Variants in AKT3 observed in about 807,000 individuals in gnomAD.
The protein encoded by AKT3 is AKT serine/threonine kinase 3.
In AKT3, 15 loss-of-function variants were observed where a neutral mutation model predicts 65.3. The observed-to-expected ratio is 0.23, with a 90% confidence interval of 0.15 to 0.35. The LOEUF (loss-of-function observed/expected upper bound fraction) is 0.35. Among genes scored for constraint, AKT3 ranks in the 10% least tolerant of loss-of-function variants. The pLI, the probability that AKT3 is intolerant of heterozygous loss-of-function variation, is 1.00. For synonymous variants in AKT3, 206 were observed against 183.8 expected (o/e 1.12, Z -0.98); for missense variants, 243 against 576.5 (o/e 0.42, Z 5.92).
intron 1 of AKT3, 122 bp from the exon 2 acceptor site, chr1:243,843,404 T>C (rs1008355013): frequency 8.7e-7 from 1 of 1,151,844 alleles, no homozygotes; most frequent in African/African-American, 1.6e-5. Context: ...AGTCTGGCTC[T>C]TCAAACTGGG....
intron 2 of AKT3, chr1:243,808,011 C>G (rs1239814479): frequency 6.6e-6 from 1 of 152,174 alleles, no homozygotes; most frequent in Non-Finnish European, 1.5e-5. Context: ...AGAAAGACAT[C>G]CACACCAAAA....
At chr1:243,843,979 C>G (rs181001775) in intron 1 of AKT3, among the ~76,000 whole-genome samples, 2 of 152,186 alleles carry the variant, frequency 1.3e-5, no homozygotes, top group Admixed American at 1.3e-4. Context: ...TAAAATACAA[C>G]GTACCAAGAA....
In AKT3 at chr1:243,620,447, CAA is replaced by C. The variant is rs1175915980; in HGVS notation, c.562-5288_562-5287del. 6.9e-3 allele frequency among the ~76,000 whole-genome samples: 283 copies of C among 41,226 alleles called. 111 individuals carry two copies. The highest frequency in any genetic ancestry group is 0.026 in the Non-Finnish European group (185 of 7,208). 27.0% of individuals were successfully genotyped at this position (41,226 alleles called of 152,430 possible). On this transcript the variant is annotated intron_variant, in intron 6 of 13. Transcript: ENST00000673466. Reference sequence around the variant, plus strand: ...TGAGTAGTGATATGACACACTTTTACAAATTAAACAATGATTACCAGTGATTA... The same window carrying C: ...TGAGTAGTGATATGACACACTTTTACATTAAACAATGATTACCAGTGATTA...
At chr1:243,821,904 C>G (rs1384620137) in intron 2 of AKT3, among the ~76,000 whole-genome samples, 1 of 152,080 alleles carries the variant, frequency 6.6e-6, no homozygotes, top group Non-Finnish European at 1.5e-5. Flanking sequence ...TATTCAGGAC[C>G]TGAACTCAGC....
rs536262290 is a variant in AKT3, at chr1:243,753,151, G to A, written c.47-57435C>T. ...ATTTCACAGGCAACACAAAGAATGC[G>A]AACTGCTTCTAAGGAGTAAGTGAAA... On this transcript the variant is annotated intron_variant, in intron 2 of 13. Coordinates refer to ENST00000673466, the MANE Select transcript of AKT3 (RefSeq NM_005465.7). Among the ~76,000 whole-genome samples the A allele has an allele frequency of 1.2e-4, 18 of 152,260 alleles. No homozygotes were observed. In the South Asian group the frequency reaches 3.5e-3, roughly 30 times the overall value.
At chr1:243,499,133 G>C (rs1668841286), downstream of AKT3, among the ~76,000 whole-genome samples, 1 of 152,214 alleles carries the variant, frequency 6.6e-6, no homozygotes, top group Non-Finnish European at 1.5e-5. Context: ...TTCTGAACTT[G>C]TGATTCTCCC....
Position 243,500,005 on chromosome 1 carries a change from A to G in AKT3, c.*5244T>C. The G allele has an allele frequency of 1.7e-6, 1 of 592,764 alleles. No homozygotes were observed. The highest frequency in any genetic ancestry group is 3.0e-6 in the Non-Finnish European group (1 of 332,058). 36.7% of individuals were successfully genotyped at this position (592,764 alleles called of 1,614,324 possible). On this transcript the variant is annotated 3_prime_UTR_variant, in exon 14 of 14. Transcript: ENST00000673466. Reference sequence around the variant, plus strand: ...AGCAGAGCTCCTGGTGTATGTTTTCAGAAATGGCTTGAAGTTATGTGTTTA... The same window carrying G: ...AGCAGAGCTCCTGGTGTATGTTTTCGGAAATGGCTTGAAGTTATGTGTTTA...
At chr1:243,718,725 G>A (rs1466114248) in intron 2 of AKT3, among the ~76,000 whole-genome samples, 4 of 151,538 alleles carry the variant, frequency 2.6e-5, no homozygotes, top group Non-Finnish European at 4.4e-5. Context: ...TGCCCGCCTC[G>A]GCCTCCCAAA....
At chr1:243,693,117 T>C (rs181501479) in intron 3 of AKT3, among the ~76,000 whole-genome samples, 1 of 150,912 alleles carries the variant, frequency 6.6e-6, no homozygotes, top group Non-Finnish European at 1.5e-5. Context: ...ACTCTGTTCT[T>C]TTCATATAAA....
At chr1:243,847,361 AGTT>A (rs1695563832) in intron 1 of AKT3, among the ~76,000 whole-genome samples, 3 of 152,172 alleles carry the variant, frequency 2.0e-5, no homozygotes, top group Admixed American at 1.3e-4. Context: ...CCAACTAACA[AGTT>A]GTTAACAGTG....
intron 2 of AKT3, among the ~76,000 whole-genome samples, chr1:243,719,768 C>G (rs1204514553): frequency 6.6e-6 from 1 of 152,124 alleles, no homozygotes; most frequent in Non-Finnish European, 1.5e-5. Context: ...ATGTTCATGA[C>G]CCAAGCCTAG....
chr1:243,737,341 T>C (rs1159299949), intron 2 of AKT3, among the ~76,000 whole-genome samples: 3 of 152,182 alleles, frequency 2.0e-5, no homozygotes, highest in African/African-American at 4.8e-5. Flanking sequence ...GCTTGGCGTG[T>C]AGTAACAGCT....
intron 8 of AKT3, among the ~76,000 whole-genome samples, chr1:243,605,376 G>A (rs1402603706): frequency 6.6e-6 from 1 of 152,060 alleles, no homozygotes. Flanking sequence ...TGCACTCAAT[G>A]ACATTTTATG....
rs78145909 is a variant in AKT3, at chr1:243,525,212, C to A, written c.1252-12786G>T. Reference sequence around the variant, plus strand: ...TAAACCAGCCTGGAATCTTAACCCACTGGAAAAAAGAAAGCGTTTGCAGTT... The same window carrying A: ...TAAACCAGCCTGGAATCTTAACCCAATGGAAAAAAGAAAGCGTTTGCAGTT... On this transcript the variant is annotated intron_variant, in intron 12 of 13. Transcript: ENST00000673466. Among the ~76,000 whole-genome samples, 1,150 of 152,246 alleles carry A rather than the reference C, an allele frequency of 7.6e-3. 16 individuals are homozygous for A. The highest frequency in any genetic ancestry group is 0.026 in the African/African-American group (1,086 of 41,544).
chr1:243,836,360 T>C (rs1254879130), intron 2 of AKT3, among the ~76,000 whole-genome samples: 1 of 151,430 alleles, frequency 6.6e-6, no homozygotes, highest in Non-Finnish European at 1.5e-5. Flanking sequence ...AAAAAGCCTC[T>C]AATAATAGAG....
intron 2 of AKT3, among the ~76,000 whole-genome samples, chr1:243,733,407 T>G (rs1395744595): frequency 1.3e-5 from 2 of 152,158 alleles, no homozygotes; most frequent in Non-Finnish European, 2.9e-5. Flanking sequence ...TAAAAAGTAG[T>G]GCTACATATT....
At chr1:243,690,809 C>T (rs1164853546) in intron 3 of AKT3, among the ~76,000 whole-genome samples, 2 of 152,072 alleles carry the variant, frequency 1.3e-5, no homozygotes, top group East Asian at 3.9e-4. Flanking sequence ...ACTACTACTA[C>T]CTAGTAAGGC....
chr1:243,495,065 G>A (rs1266183689), downstream of AKT3, among the ~76,000 whole-genome samples: 3 of 152,228 alleles, frequency 2.0e-5, no homozygotes, highest in East Asian at 5.8e-4. Context: ...ACCTGCCTGT[G>A]TGTAGAGGAA....
At chr1:243,554,426 C>T (rs1486404338) in intron 10 of AKT3, among the ~76,000 whole-genome samples, 1 of 152,078 alleles carries the variant, frequency 6.6e-6, no homozygotes, top group African/African-American at 2.4e-5. Flanking sequence ...ACAACAAATT[C>T]TAGTTTTCAT....
Sources: gnomAD v4.1 joint callset for allele counts (sites outside exome capture counted in the v4.1 genomes callset) on GRCh38, gnomAD v4.1.1 for gene constraint, MANE v1.5 for transcripts, NCBI Gene and HGNC (gene_info 2026-07-23, HGNC 2026-07-21) for gene names.